The following RBM47 variants were observed in gnomAD, a reference collection of about 807,000 sequenced individuals.
The protein encoded by RBM47 is RNA binding motif protein 47.
A neutral mutation model predicts 47.1 loss-of-function variants in RBM47; 21 were observed. That is an observed-to-expected ratio of 0.45 (90% confidence interval 0.32 to 0.64). The LOEUF (loss-of-function observed/expected upper bound fraction) is 0.64, where lower values mean the gene tolerates loss of function less well. RBM47 is among the 30% of genes least tolerant of loss of function. RBM47 has a pLI of 0.05. For missense variants in RBM47, 708 were observed against 870.9 expected, an observed-to-expected ratio of 0.81 and a Z score of 2.35; for synonymous variants, 375 against 361.7, an observed-to-expected ratio of 1.04 and a Z score of -0.42.
At chr4:40,613,416 C>A (rs1736418515) in intron 1 of RBM47, among the ~76,000 whole-genome samples, 1 of 152,058 alleles carries the variant, frequency 6.6e-6, no homozygotes, top group South Asian at 2.1e-4. Context: ...AAGAAAAATT[C>A]TTAGAATCTG....
Position 40,436,942 on chromosome 4 carries a change from CCA to C in RBM47, c.1124-297_1124-296del. ...ACTACCCACCACCCCCTCCCCCCCG[CCA>C]AAAAAAAAACTGTGGCCAGGTGTGG... On this transcript the variant is annotated intron_variant, in intron 4 of 6. Transcript: ENST00000295971. 6.7e-6 allele frequency: 3 copies of C among 444,964 alleles called. 1 individual carries two copies. Among genetic ancestry groups the C allele is most frequent in the Non-Finnish European group, 1.3e-5 (3 of 231,808 alleles). 27.6% of individuals were successfully genotyped at this position (444,964 alleles called of 1,614,324 possible). A position where few individuals can be genotyped will look rare whatever the true frequency, so the allele number is the denominator to read the frequency against.
chr4:40,509,747 G>T (rs549195389), intron 2 of RBM47, among the ~76,000 whole-genome samples: 14 of 141,370 alleles, frequency 9.9e-5, no homozygotes, highest in Non-Finnish European at 1.6e-4. Flanking sequence ...TTCTCCAGGC[G>T]TGGTGGCGGG....
intron 1 of RBM47, among the ~76,000 whole-genome samples, chr4:40,609,318 G>GT (rs35224098): frequency 0.052 from 7,237 of 139,334 alleles, 382 homozygotes; most frequent in African/African-American, 0.14. Flanking sequence ...ATTTTTATTG[G>GT]TTTTTTTTTT....
intron 2 of RBM47, among the ~76,000 whole-genome samples, chr4:40,512,683 C>A (rs1725094023): frequency 6.8e-6 from 1 of 146,372 alleles, no homozygotes; most frequent in African/African-American, 2.5e-5. Flanking sequence ...CCACTGCACT[C>A]CAGCCTGGGT....
intron 3 of RBM47, 49 bp from the exon 4 acceptor site, chr4:40,438,973 C>T: frequency 7.0e-7 from 1 of 1,420,672 alleles, no homozygotes; most frequent in Non-Finnish European, 9.3e-7. Context: ...GATCTTGCCT[C>T]TTTTGGGTTG....
chr4:40,444,055 C>T (rs1714119403), intron 3 of RBM47, among the ~76,000 whole-genome samples: 2 of 151,836 alleles, frequency 1.3e-5, no homozygotes, highest in Admixed American at 6.6e-5. Flanking sequence ...AAAAATTAGC[C>T]GGGCATGGTG....
At chr4:40,514,273 T>C (rs1725301071) in intron 2 of RBM47, among the ~76,000 whole-genome samples, 3 of 152,004 alleles carry the variant, frequency 2.0e-5, no homozygotes, top group Admixed American at 2.0e-4. Context: ...CAAGCACAAG[T>C]AGGTTTTCCA....
intron 1 of RBM47, among the ~76,000 whole-genome samples, chr4:40,627,997 G>C (rs1031284589): frequency 1.3e-5 from 2 of 152,198 alleles, no homozygotes; most frequent in African/African-American, 4.8e-5. Context: ...TTGATATTCA[G>C]AATATCTTGA....
At chr4:40,434,355 C>T (rs1434831914) in intron 5 of RBM47, among the ~76,000 whole-genome samples, 1 of 152,064 alleles carries the variant, frequency 6.6e-6, no homozygotes, top group African/African-American at 2.4e-5. Context: ...ATCGATGGGG[C>T]CCAGAGAGGG....
chr4:40,581,434 TAATA>T (rs375591976), intron 1 of RBM47, among the ~76,000 whole-genome samples: 262 of 139,036 alleles, frequency 1.9e-3, no homozygotes, highest in East Asian at 0.011. Flanking sequence ...AAAAAAGTAA[TAATA>T]AATAAATAAA....
At chr4:40,450,443 A>AT (rs1255474219) in intron 3 of RBM47, among the ~76,000 whole-genome samples, 16 of 151,744 alleles carry the variant, frequency 1.1e-4, no homozygotes, top group African/African-American at 3.6e-4. Flanking sequence ...AAAAAAAAAA[A>AT]ATATAAAACT....
At chr4:40,617,144 G>A (rs1331362385) in intron 1 of RBM47, among the ~76,000 whole-genome samples, 1 of 151,792 alleles carries the variant, frequency 6.6e-6, no homozygotes, top group Non-Finnish European at 1.5e-5. Flanking sequence ...CCAAAGTGCT[G>A]GGATTACAGG....
At chr4:40,432,203 TACACACACACACACACACACACAC>T (rs61008905) in intron 6 of RBM47, among the ~76,000 whole-genome samples, 1 of 147,722 alleles carries the variant, frequency 6.8e-6, no homozygotes, top group Non-Finnish European at 1.5e-5. Context: ...TCTCTCTCTT[TACACACACACACACACACACACAC>T]ACACACACAC....
chr4:40,456,571 CTTTT>C (rs34320480), intron 3 of RBM47, among the ~76,000 whole-genome samples: 2 of 112,578 alleles, frequency 1.8e-5, no homozygotes, highest in African/African-American at 3.5e-5. Flanking sequence ...TTTCTTTTTT[CTTTT>C]TTTTTTTTTT....
chr4:40,462,078 A>G (rs1717224645), intron 3 of RBM47, among the ~76,000 whole-genome samples: 1 of 152,132 alleles, frequency 6.6e-6, no homozygotes, highest in Admixed American at 6.5e-5. Flanking sequence ...TTGCATTAGC[A>G]TGGCACTACT....
chr4:40,432,687 AGCGGCTGCGGCGGCTGCGGCC>A lies in RBM47; in HGVS notation c.1485_1505del (p.Ala496_Ala502del), dbSNP rs564837143. ...GTGGCGTCGACACAGTGGGAATGAC[AGCGGCTGCGGCGGCTGCGGCC>A]GCGGCTGCGGCGGCAGCAGCACTGG... is the stretch of plus-strand genomic sequence containing the variant. On this transcript the variant is annotated inframe_deletion, in exon 6 of 7. Coordinates refer to ENST00000295971, the MANE Select transcript of RBM47 (RefSeq NM_001098634.2). The A allele has an allele frequency of 2.3e-3, 3,668 of 1,609,862 alleles. 3 individuals carry two copies. Among genetic ancestry groups the A allele is most frequent in the East Asian group, 2.5e-3 (114 of 44,830 alleles).
chr4:40,545,427 C>G (rs6839088), intron 1 of RBM47, among the ~76,000 whole-genome samples: 147,695 of 147,698 alleles, frequency 1, 73,846 homozygotes, highest in Middle Eastern at 1. Context: ...ACTTTGGGAG[C>G]CCGAGGCAGG....
intron 6 of RBM47, among the ~76,000 whole-genome samples, chr4:40,432,198 C>G (rs1042210275): frequency 7.1e-6 from 1 of 140,506 alleles, no homozygotes; most frequent in Non-Finnish European, 1.5e-5. Flanking sequence ...CTCTCTCTCT[C>G]TCTTTACACA....
At chr4:40,485,689 T>A (rs1480557061) in intron 2 of RBM47, among the ~76,000 whole-genome samples, 2 of 152,154 alleles carry the variant, frequency 1.3e-5, no homozygotes, top group Non-Finnish European at 2.9e-5. Context: ...GTAGTGTCAG[T>A]CATGATTCTG....
Sources: allele counts gnomAD v4.1 joint callset (sites outside exome capture counted in the v4.1 genomes callset), GRCh38; gene constraint gnomAD v4.1.1; transcripts MANE v1.5; gene names NCBI Gene and HGNC (gene_info 2026-07-23, HGNC 2026-07-21).